CNBD2: variants seen among roughly 807,000 people sequenced by gnomAD.
CNBD2 encodes the protein cyclic nucleotide binding domain containing 2.
In CNBD2, 64 loss-of-function variants were observed where a neutral mutation model predicts 63.7. That is an observed-to-expected ratio of 1.00 (90% CI 0.82 to 1.24). The LOEUF is 1.24. CNBD2 is among the 50% of genes most tolerant of loss of function. CNBD2 has a pLI of 0.00. For missense variants in CNBD2, 691 were observed against 713.5 expected (o/e 0.97, Z 0.36); for synonymous variants, 229 against 255.4 (o/e 0.90, Z 0.99).
chr20:36,000,184 G>T (rs1247762833), intron 8 of CNBD2, among the ~76,000 whole-genome samples: 2 of 151,946 alleles, frequency 1.3e-5, no homozygotes, highest in Non-Finnish European at 2.9e-5. Context: ...GCTTTTCTAT[G>T]TCTGAAAACT....
intron 2 of CNBD2, among the ~76,000 whole-genome samples, chr20:35,975,543 G>A (rs866550562): frequency 2.3e-4 from 34 of 150,750 alleles, no homozygotes; most frequent in African/African-American, 7.6e-4. Flanking sequence ...CTCGTGATCC[G>A]CCCACCTTGG....
chr20:36,024,360 G>A (rs886786056), intron 11 of CNBD2, among the ~76,000 whole-genome samples: 1 of 152,096 alleles, frequency 6.6e-6, no homozygotes, highest in South Asian at 2.1e-4. Context: ...TGAGCGTGGT[G>A]GCTCACTCCT....
Position 36,023,837 on chromosome 20 carries a change from G to T in CNBD2, c.1439+66G>T, listed in dbSNP as rs949098502. ...GAACAATTTTTCACCTGTTATTTTA[G>T]TAAAAGAAGGAAAAATATAATACCT... On this transcript the variant is annotated intron_variant, in intron 11 of 11. Transcript: ENST00000373973. The T allele has an allele frequency of 7.9e-6, 11 of 1,400,048 alleles. No individual in the cohort carries two copies. In the East Asian group the frequency reaches 2.2e-4, roughly 28 times the overall value. The allele number at this position is 1,400,048 out of a possible 1,614,324, so 86.7% of individuals were successfully genotyped here. A position where few individuals can be genotyped will look rare whatever the true frequency, so the allele number is the denominator to read the frequency against.
At chr20:36,012,140 T>C (rs527984186) in intron 10 of CNBD2, among the ~76,000 whole-genome samples, 1 of 151,264 alleles carries the variant, frequency 6.6e-6, no homozygotes, top group East Asian at 2.0e-4. Context: ...TCTCTACTAA[T>C]AATACAAAAA....
At chr20:35,965,978 G>T (rs899195875), upstream of CNBD2, among the ~76,000 whole-genome samples, 1 of 152,120 alleles carries the variant, frequency 6.6e-6, no homozygotes, top group Non-Finnish European at 1.5e-5. Flanking sequence ...TGTGAGCCTG[G>T]ATACTTTCCT....
chr20:35,976,530 C>T (rs1307460188), intron 3 of CNBD2, among the ~76,000 whole-genome samples: 1 of 152,128 alleles, frequency 6.6e-6, no homozygotes, highest in African/African-American at 2.4e-5. Context: ...TTCAAGACTG[C>T]AGTGAGCTAT....
chr20:35,987,276 A>G, intron 6 of CNBD2, 119 bp from the exon 7 acceptor site: 1 of 1,090,190 alleles, frequency 9.2e-7, no homozygotes, highest in Non-Finnish European at 1.3e-6. Flanking sequence ...GGCAGGTAGC[A>G]GCGAAATCTT....
intron 8 of CNBD2, among the ~76,000 whole-genome samples, chr20:36,004,933 C>G (rs2056964554): frequency 6.6e-6 from 1 of 152,108 alleles, no homozygotes; most frequent in African/African-American, 2.4e-5. Context: ...AAAATTTAGT[C>G]CCTGTTATTC....
intron 11 of CNBD2, among the ~76,000 whole-genome samples, chr20:36,028,923 G>A (rs779280920): frequency 5.9e-5 from 9 of 152,184 alleles, no homozygotes; most frequent in East Asian, 3.9e-4. Context: ...TCATCCACCC[G>A]CCTGGTCTCC....
intron 2 of CNBD2, among the ~76,000 whole-genome samples, chr20:35,975,613 T>C (rs1286309479): frequency 6.6e-6 from 1 of 151,402 alleles, no homozygotes; most frequent in Non-Finnish European, 1.5e-5. Context: ...TCCTTTCTTT[T>C]TATTCTTCCT....
chr20:36,014,248 T>C (rs1324225325), intron 10 of CNBD2, among the ~76,000 whole-genome samples: 1 of 151,390 alleles, frequency 6.6e-6, no homozygotes, highest in Non-Finnish European at 1.5e-5. Flanking sequence ...CTCTGTCAGA[T>C]AATAGGGCCT....
rs536715267 is a variant in CNBD2, at chr20:35,991,891, T to A, written c.856-3147T>A. Reference sequence around the variant, plus strand: ...ACTCATTTCTTCTTCTTTTATTTTTTTTTTTTGAGATGGAGTTTCATTCCT... The same window carrying A: ...ACTCATTTCTTCTTCTTTTATTTTTATTTTTTGAGATGGAGTTTCATTCCT... On this transcript the variant is annotated intron_variant, in intron 7 of 11. Coordinates refer to ENST00000373973, the MANE Select transcript of CNBD2 (RefSeq NM_001365709.1). 9.9e-5 allele frequency among the ~76,000 whole-genome samples: 15 copies of A among 152,250 alleles called. No homozygotes were observed. The East Asian group carries it at 1.9e-3, about 20-fold the overall frequency.
At chr20:35,995,488 A>G (rs1366354963) in intron 8 of CNBD2, among the ~76,000 whole-genome samples, 1 of 151,914 alleles carries the variant, frequency 6.6e-6, no homozygotes, top group Non-Finnish European at 1.5e-5. Flanking sequence ...TTTGCCTGTG[A>G]TGGACTTTTC....
At chr20:35,975,103 G>T (rs1250291004) in intron 2 of CNBD2, 6 of 138,256 alleles carry the variant, frequency 4.3e-5, no homozygotes, top group Non-Finnish European at 9.2e-5. Flanking sequence ...CCGGGTTCAC[G>T]CCATTCTCCT....
chr20:35,995,165 G>A lies in CNBD2; in HGVS notation c.970+13G>A. On this transcript the variant is annotated intron_variant, in intron 8 of 11. Transcript: ENST00000373973. ...ACCCACCTGAGTGGTAAGCTGCCTT[G>A]GCCTGTCTGACAGCAGGGGGCGCCT... 1.3e-6 allele frequency: 2 copies of A among 1,590,956 alleles called. No homozygotes were observed. The highest frequency in any genetic ancestry group is 2.2e-5 in the East Asian group (1 of 44,744).
upstream of CNBD2, among the ~76,000 whole-genome samples, chr20:35,967,664 G>A (rs1040562630): frequency 5.5e-4 from 83 of 151,950 alleles, no homozygotes; most frequent in African/African-American, 1.9e-3. Flanking sequence ...ACCAGCCTGG[G>A]CAACGTGGTG....
chr20:36,017,187 G>A (rs549566680), intron 10 of CNBD2, among the ~76,000 whole-genome samples: 5 of 152,162 alleles, frequency 3.3e-5, no homozygotes, highest in Non-Finnish European at 7.3e-5. Flanking sequence ...GAGGAGCAGT[G>A]TGCGGGTGCA....
At chr20:36,017,844 C>T (rs1169917359) in intron 10 of CNBD2, among the ~76,000 whole-genome samples, 3 of 152,182 alleles carry the variant, frequency 2.0e-5, no homozygotes, top group East Asian at 1.9e-4. Flanking sequence ...CCCACCTCTG[C>T]GCCCACACAC....
At chr20:35,969,418 G>A (rs2056381483) in intron 1 of CNBD2, among the ~76,000 whole-genome samples, 1 of 152,036 alleles carries the variant, frequency 6.6e-6, no homozygotes, top group African/African-American at 2.4e-5. Context: ...AACATTACAG[G>A]TGTAGGGAAA....
Sources: gnomAD v4.1 joint callset for allele counts (sites outside exome capture counted in the v4.1 genomes callset) on GRCh38, gnomAD v4.1.1 for gene constraint, MANE v1.5 for transcripts, NCBI Gene and HGNC (gene_info 2026-07-23, HGNC 2026-07-21) for gene names.